The following NUP35 variants were observed in gnomAD, a reference collection of about 807,000 sequenced individuals.
NUP35 encodes the protein nucleoporin 35, also known as nucleoporin NUP35.
In NUP35, 25 loss-of-function variants were observed where a neutral mutation model predicts 41.5. The ratio of observed to expected loss-of-function variants is 0.60; its 90% CI spans 0.44 to 0.84. The LOEUF (loss-of-function observed/expected upper bound fraction) is 0.84, where lower values mean the gene tolerates loss of function less well. Ranked by LOEUF, NUP35 falls within the 40% of genes least tolerant of loss-of-function variation. The probability of loss-of-function intolerance (pLI) is 0.00; values close to 1 mark genes in which losing one functional copy is unlikely to be tolerated. For synonymous variants in NUP35, 149 were observed against 130.7 expected (o/e 1.14, Z -0.96); for missense variants, 396 against 396.6 (o/e 1.00, Z 0.01).
intron 4 of NUP35, among the ~76,000 whole-genome samples, chr2:183,139,297 C>T (rs376119439): frequency 1.3e-5 from 2 of 151,272 alleles, no homozygotes; most frequent in East Asian, 1.9e-4. Context: ...GCCTTAAACT[C>T]CCAGGCTCAA....
In NUP35 at chr2:183,128,161, T is replaced by G. The variant is rs1407906929; in HGVS notation, c.41-126T>G. On this transcript the variant is annotated intron_variant, in intron 1 of 8. Transcript: ENST00000295119. ...TTTAAAATAATAAATTCAACTATGG[T>G]TCTATTATATCTAAAAGTTTTGATT... The G allele has an allele frequency of 9.2e-6, 5 of 541,592 alleles. No individual in the cohort carries two copies. In the East Asian group the frequency reaches 1.6e-4, roughly 17 times the overall value. 33.5% of individuals were successfully genotyped at this position (541,592 alleles called of 1,614,324 possible).
At chr2:183,156,695 A>AT (rs34878845) in intron 5 of NUP35, among the ~76,000 whole-genome samples, 46,261 of 148,464 alleles carry the variant, frequency 0.31, 7,228 homozygotes, top group South Asian at 0.37. Context: ...TGAGACTCGA[A>AT]TTTTTTTTTT....
At chr2:183,157,401 A>G (rs759960273) in intron 5 of NUP35, 43 bp from the exon 6 acceptor site, 1 of 1,361,716 alleles carries the variant, frequency 7.3e-7, no homozygotes, top group Non-Finnish European at 1.1e-6. Flanking sequence ...ATTCACATTG[A>G]TAGTAGAAGC....
intron 5 of NUP35, among the ~76,000 whole-genome samples, chr2:183,155,569 C>T (rs1310345598): frequency 7.5e-6 from 1 of 134,088 alleles, no homozygotes; most frequent in Non-Finnish European, 1.5e-5. Context: ...TATAGTCTCT[C>T]ATAAAATGGC....
intron 4 of NUP35, among the ~76,000 whole-genome samples, chr2:183,147,011 T>C (rs1685304206): frequency 6.6e-6 from 1 of 152,250 alleles, no homozygotes; most frequent in Non-Finnish European, 1.5e-5. Context: ...TTCATGTTTG[T>C]TGGTCACCTG....
In NUP35 at chr2:183,118,120, T is replaced by G. The variant is rs536219451; in HGVS notation, c.-121+494T>G. ...TGAAGAAAGGGCTCCCCACCTAAGT[T>G]TGATAATCAATGGTCTACAAAAATA... On this transcript the variant is annotated intron_variant, in intron 1 of 9. Coordinates refer to the NUP35 transcript ENST00000409798. Among the ~76,000 whole-genome samples the G allele has an allele frequency of 8.3e-4, 126 of 152,298 alleles. 1 individual carries two copies. Among genetic ancestry groups the G allele is most frequent in the Non-Finnish European group, 1.4e-3 (93 of 68,030 alleles).
intron 4 of NUP35, among the ~76,000 whole-genome samples, chr2:183,142,885 G>A (rs528619483): frequency 6.6e-6 from 1 of 151,834 alleles, no homozygotes; most frequent in Non-Finnish European, 1.5e-5. Flanking sequence ...AGCTGGGCAC[G>A]GTGGCTCACG....
chr2:183,142,858 T>C (rs566046402), intron 4 of NUP35, among the ~76,000 whole-genome samples: 10 of 151,992 alleles, frequency 6.6e-5, no homozygotes, highest in African/African-American at 1.7e-4. Flanking sequence ...CTTAGAAATA[T>C]AGCATTCTCT....
intron 4 of NUP35, among the ~76,000 whole-genome samples, chr2:183,150,604 T>C (rs948062990): frequency 1.3e-5 from 2 of 151,874 alleles, no homozygotes; most frequent in African/African-American, 4.8e-5. Context: ...CTTCTCTGCT[T>C]TATTTTTTTT....
chr2:183,150,629 T>G (rs1685438660), intron 4 of NUP35, among the ~76,000 whole-genome samples: 1 of 152,200 alleles, frequency 6.6e-6, no homozygotes, highest in South Asian at 2.1e-4. Context: ...TGTAGGATTT[T>G]TAGTTTTGTA....
At position 183,159,614 on chromosome 2, in the gene NUP35, C is replaced by G. The variant is rs1449801624; in HGVS notation, c.865C>G (p.Leu289Val). 4 of 1,613,202 alleles carry G rather than the reference C, an allele frequency of 2.5e-6. No individual in the cohort carries two copies. Among genetic ancestry groups the G allele is most frequent in the Non-Finnish European group, 3.4e-6 (4 of 1,179,608 alleles). The change falls in exon 8 of 9, where the codon CTT becomes GTT. Residue 289 changes from leucine (L) to valine (V), a missense_variant. Leu to Val is a conservative substitution (Grantham distance 32, BLOSUM62 1). Coordinates refer to ENST00000295119, the MANE Select transcript of NUP35 (RefSeq NM_138285.5). ...STPRISTMRP[L>V]ATAYKASTSD... ...TCCTAGGATTTCTACCATGAGACCT[C>G]TTGCTACAGCATACAAAGCCTCTAC... is the stretch of plus-strand genomic sequence containing the variant.
intron 4 of NUP35, among the ~76,000 whole-genome samples, chr2:183,138,263 ATATATATTTTTTTTTTT>A (rs1684957356): frequency 3.0e-5 from 2 of 67,108 alleles, no homozygotes; most frequent in African/African-American, 1.1e-4. Flanking sequence ...ATATATATAT[ATATATATTTTTTTTTTT>A]TTTTAGCTCC....
intron 4 of NUP35, among the ~76,000 whole-genome samples, chr2:183,148,138 C>T (rs1036349905): frequency 6.6e-6 from 1 of 152,224 alleles, no homozygotes; most frequent in East Asian, 1.9e-4. Flanking sequence ...AAAATTGATT[C>T]CTTTCCTTTA....
At chr2:183,135,334 G>A (rs1217704181) in intron 4 of NUP35, among the ~76,000 whole-genome samples, 6 of 152,148 alleles carry the variant, frequency 3.9e-5, no homozygotes, top group East Asian at 1.9e-4. Context: ...TATTCTAGAC[G>A]GAGGGAACAG....
chr2:183,126,722 G>C (rs1287753957), intron 1 of NUP35, among the ~76,000 whole-genome samples: 1 of 151,484 alleles, frequency 6.6e-6, no homozygotes, highest in Admixed American at 6.6e-5. Flanking sequence ...AGACTAAATA[G>C]TTGGCAGCTT....
intron 4 of NUP35, among the ~76,000 whole-genome samples, chr2:183,138,245 C>CTATATATATATGTATA (rs1684951426): frequency 8.9e-6 from 1 of 112,682 alleles, no homozygotes; most frequent in African/African-American, 3.7e-5. Flanking sequence ...TCATTTAGAG[C>CTATATATATATGTATA]TATATATATA....
chr2:183,155,092 A>G (rs1243061623), intron 5 of NUP35, among the ~76,000 whole-genome samples: 1 of 152,116 alleles, frequency 6.6e-6, no homozygotes, highest in Non-Finnish European at 1.5e-5. Context: ...CTCACAACAC[A>G]TGGGAATTCT....
intron 8 of NUP35, 50 bp downstream of exon 8, chr2:183,159,702 T>C (rs1685801018): frequency 7.1e-7 from 1 of 1,405,390 alleles, no homozygotes; most frequent in Non-Finnish European, 1.0e-6. Flanking sequence ...GCTGAGTGCA[T>C]AGCATGCTTA....
upstream of NUP35, chr2:183,124,378 C>G: frequency 1.2e-6 from 2 of 1,613,014 alleles, no homozygotes; most frequent in Non-Finnish European, 1.7e-6. Context: ...AGGTAGCACG[C>G]CGTTACCCGT....
Sources: gnomAD v4.1 joint callset for allele counts (sites outside exome capture counted in the v4.1 genomes callset) on GRCh38, gnomAD v4.1.1 for gene constraint, MANE v1.5 for transcripts, NCBI Gene and HGNC (gene_info 2026-07-23, HGNC 2026-07-21) for gene names.